SLC24A4: variants seen among roughly 807,000 people sequenced by gnomAD.
The protein encoded by SLC24A4 is solute carrier family 24 member 4.
SLC24A4 carries 53 observed loss-of-function variants against 79.0 expected under a neutral mutation model. The ratio of observed to expected loss-of-function variants is 0.67; its 90% confidence interval spans 0.54 to 0.84. The LOEUF (loss-of-function observed/expected upper bound fraction) is 0.84, where lower values mean the gene tolerates loss of function less well. SLC24A4 is among the 40% of genes least tolerant of loss of function. SLC24A4 has a pLI of 0.00. For missense variants in SLC24A4, 731 were observed against 822.0 expected (o/e 0.89, Z 1.35); for synonymous variants, 323 against 323.8 (o/e 1.00, Z 0.03).
rs879097842 is a variant in SLC24A4 at position 92,421,503 on chromosome 14, G to A, written c.242-12409G>A. ...TGTGCTGGATTCTTTCATACACCACGATTTTTTTGTTTTTGTTTTTTTGAG... is the reference window on the plus strand; with the variant it reads ...TGTGCTGGATTCTTTCATACACCACAATTTTTTTGTTTTTGTTTTTTTGAG... On this transcript the variant is annotated intron_variant, in intron 2 of 16. Coordinates refer to ENST00000532405, the MANE Select transcript of SLC24A4 (RefSeq NM_153646.4). 2.6e-5 allele frequency among the ~76,000 whole-genome samples: 4 copies of A among 151,418 alleles called. 1 individual carries two copies. Among genetic ancestry groups the A allele is most frequent in the African/African-American group, 4.9e-5 (2 of 40,976 alleles).
intron 2 of SLC24A4, among the ~76,000 whole-genome samples, chr14:92,354,331 TCA>T (rs1398422956): frequency 9.9e-5 from 15 of 152,258 alleles, no homozygotes; most frequent in African/African-American, 3.6e-4. Flanking sequence ...TTTTGTATTT[TCA>T]GTAGAGACGG....
chr14:92,460,297 C>CT (rs1404892376), intron 12 of SLC24A4, among the ~76,000 whole-genome samples: 1 of 152,164 alleles, frequency 6.6e-6, no homozygotes, highest in African/African-American at 2.4e-5. Context: ...GTGACGGCAC[C>CT]TACCTCCCAG....
rs1008563174 is a variant in SLC24A4, at chr14:92,441,746, C to T, written c.394-343C>T. ...TCATGTGAAATTCACGTTTCAGTAA[C>T]AGCAGATAAAACACATCGTGTATCT... On this transcript the variant is annotated intron_variant, in intron 4 of 16. Transcript: ENST00000532405. This position sits in a 1 kb window ranked among gnomAD's most constrained non-coding sequence, Gnocchi z 4.6. Among the ~76,000 whole-genome samples, 1 of 152,248 alleles carries T rather than the reference C, an allele frequency of 6.6e-6. No homozygotes were observed. Among genetic ancestry groups the T allele is most frequent in the Non-Finnish European group, 1.5e-5 (1 of 68,050 alleles).
At chr14:92,383,128 C>T (rs2141715983) in intron 2 of SLC24A4, among the ~76,000 whole-genome samples, 1 of 152,308 alleles carries the variant, frequency 6.6e-6, no homozygotes, top group African/African-American at 2.4e-5. Context: ...TCACATTCGT[C>T]TTCATAAGAG....
chr14:92,328,362 G>A (rs1041556285), intron 2 of SLC24A4, among the ~76,000 whole-genome samples: 1 of 152,192 alleles, frequency 6.6e-6, no homozygotes, highest in Admixed American at 6.5e-5. Context: ...TCAACACAGG[G>A]AAAGCTAGGT....
intron 2 of SLC24A4, among the ~76,000 whole-genome samples, chr14:92,388,410 T>G (rs1180990863): frequency 6.6e-6 from 1 of 152,182 alleles, no homozygotes; most frequent in Non-Finnish European, 1.5e-5. Flanking sequence ...CTGCCGGTGC[T>G]CAGTCTGGGT....
chr14:92,484,505 C>T, intron 13 of SLC24A4: 1 of 985,362 alleles, frequency 1.0e-6, no homozygotes, highest in Non-Finnish European at 1.2e-6. Context: ...CGGCTTAGAG[C>T]TCTGTATCCC....
At chr14:92,366,011 A>G (rs1887816442) in intron 2 of SLC24A4, among the ~76,000 whole-genome samples, 1 of 152,216 alleles carries the variant, frequency 6.6e-6, no homozygotes, top group Non-Finnish European at 1.5e-5. Flanking sequence ...ACGGTTACAA[A>G]TCCTTCATGC....
At chr14:92,432,079 C>T (rs529988018) in intron 2 of SLC24A4, among the ~76,000 whole-genome samples, 10 of 152,218 alleles carry the variant, frequency 6.6e-5, no homozygotes, top group African/African-American at 1.2e-4. Flanking sequence ...TGGATGGGTA[C>T]GGAGGATGGT....
intron 2 of SLC24A4, among the ~76,000 whole-genome samples, chr14:92,395,819 ATTAT>A (rs149169968): frequency 0.069 from 10,479 of 151,858 alleles, 496 homozygotes; most frequent in Non-Finnish European, 0.096. Flanking sequence ...TTTCATATTT[ATTAT>A]TTATTTATTT....
intron 2 of SLC24A4, among the ~76,000 whole-genome samples, chr14:92,340,299 A>G (rs994049594): frequency 6.6e-6 from 1 of 152,154 alleles, no homozygotes; most frequent in Admixed American, 6.5e-5. Flanking sequence ...GAATGAGGTA[A>G]ACTCGTAATC....
chr14:92,394,648 A>C (rs920237070), intron 2 of SLC24A4, among the ~76,000 whole-genome samples: 1 of 152,212 alleles, frequency 6.6e-6, no homozygotes, highest in Admixed American at 6.5e-5. Flanking sequence ...TGTTTGTACT[A>C]TAATACTTAA....
intron 12 of SLC24A4, among the ~76,000 whole-genome samples, chr14:92,465,238 G>A (rs1438728205): frequency 2.0e-5 from 3 of 152,196 alleles, no homozygotes; most frequent in African/African-American, 4.8e-5. Flanking sequence ...TGGGTGGGCC[G>A]GGACAGTTAT....
chr14:92,357,691 C>T (rs1037170185), intron 2 of SLC24A4, among the ~76,000 whole-genome samples: 6 of 151,994 alleles, frequency 3.9e-5, no homozygotes, highest in South Asian at 2.1e-4. Context: ...GGGACTGGGG[C>T]GATGGGGGAG....
chr14:92,449,214 A>G lies in SLC24A4; in HGVS notation c.878A>G (p.Gln293Arg). The change falls in exon 10 of 17, where the codon CAA becomes CGA. Residue 293 changes from glutamine (Q) to arginine (R), a missense_variant and splice_region_variant. Coordinates refer to ENST00000532405, the MANE Select transcript of SLC24A4 (RefSeq NM_153646.4). Reference sequence around the variant, plus strand: ...GACCCTTCCGTGCCATTGCTGGGGCAAGGTAAGGCTGAGCAGACAGGAGTG... The same window carrying G: ...GACCCTTCCGTGCCATTGCTGGGGCGAGGTAAGGCTGAGCAGACAGGAGTG... ...YDDPSVPLLG[Q>R]VKEKPQYGKN... 1 of 1,597,086 alleles carries G rather than the reference A, an allele frequency of 6.3e-7. No homozygotes were observed. Among genetic ancestry groups the G allele is most frequent in the Non-Finnish European group, 8.6e-7 (1 of 1,168,774 alleles).
chr14:92,421,504 ATTTTTTTGTTTTTG>A (rs1891279046), intron 2 of SLC24A4, among the ~76,000 whole-genome samples: 1 of 151,362 alleles, frequency 6.6e-6, no homozygotes, highest in South Asian at 2.1e-4. Context: ...ATACACCACG[ATTTTTTTGTTTTTG>A]TTTTTTTGAG....
rs143375295 is a variant in SLC24A4, at chr14:92,408,166, A to AGTGTGTGTGTGTGTGTGTGTGTGT, written c.242-25733_242-25710dup. ...TTATATGTATGCTTGTTGCTACAGC[A>AGTGTGTGTGTGTGTGTGTGTGTGT]GTGTGTGTGTGTGTGTGTGTGTGTG... On this transcript the variant is annotated intron_variant, in intron 2 of 16. Transcript: ENST00000532405. Among the ~76,000 whole-genome samples the AGTGTGTGTGTGTGTGTGTGTGTGT allele has an allele frequency of 1.1e-4, 15 of 136,916 alleles. No homozygotes were observed. The East Asian group carries it at 1.6e-3, about 15-fold the overall frequency. 89.8% of individuals were successfully genotyped at this position (136,916 alleles called of 152,430 possible). A position where few individuals can be genotyped will look rare whatever the true frequency, so the allele number is the denominator to read the frequency against.
intron 14 of SLC24A4, among the ~76,000 whole-genome samples, chr14:92,488,462 A>T (rs1255676242): frequency 6.7e-6 from 1 of 148,914 alleles, no homozygotes; most frequent in African/African-American, 2.5e-5. Flanking sequence ...ACATCCTCAG[A>T]GACCCTATTT....
intron 2 of SLC24A4, among the ~76,000 whole-genome samples, chr14:92,415,937 G>A (rs1595245700): frequency 6.6e-6 from 1 of 151,890 alleles, no homozygotes; most frequent in South Asian, 2.1e-4. Flanking sequence ...CTTTTTCCCC[G>A]AGTCCCCAAA....
Sources: gnomAD v4.1 joint callset for allele counts (sites outside exome capture counted in the v4.1 genomes callset) on GRCh38, gnomAD v4.1.1 for gene constraint, Gnocchi (gnomAD v3.1) non-coding constraint, MANE v1.5 for transcripts, NCBI Gene and HGNC (gene_info 2026-07-23, HGNC 2026-07-21) for gene names.